SGMS1: variants seen among roughly 807,000 people sequenced by gnomAD.
The protein encoded by SGMS1 is sphingomyelin synthase 1, also known as phosphatidylcholine:ceramide cholinephosphotransferase 1.
A neutral mutation model predicts 46.2 loss-of-function variants in SGMS1; 13 were observed. The ratio of observed to expected loss-of-function variants is 0.28; its 90% CI spans 0.18 to 0.45. SGMS1 has a LOEUF of 0.45. Ranked by LOEUF, SGMS1 falls within the 20% of genes least tolerant of loss-of-function variation. The probability of loss-of-function intolerance (pLI) is 1.00; values close to 1 mark genes in which losing one functional copy is unlikely to be tolerated. For missense variants in SGMS1, 324 were observed against 519.9 expected (o/e 0.62, Z 3.66); for synonymous variants, 203 against 187.8 (o/e 1.08, Z -0.66).
chr10:50,346,803 T>C (rs1847919573), intron 6 of SGMS1, among the ~76,000 whole-genome samples: 1 of 152,030 alleles, frequency 6.6e-6, no homozygotes, highest in African/African-American at 2.4e-5. Context: ...TGGGTGCAAG[T>C]GATTCTCCCA....
chr10:50,558,475 G>A (rs566890571), intron 2 of SGMS1, among the ~76,000 whole-genome samples: 2 of 152,196 alleles, frequency 1.3e-5, no homozygotes, highest in Admixed American at 6.5e-5. Context: ...TGCTTGGAAC[G>A]AGCCAAACAT....
At chr10:50,404,414 T>C (rs905476663) in intron 6 of SGMS1, among the ~76,000 whole-genome samples, 1 of 151,888 alleles carries the variant, frequency 6.6e-6, no homozygotes, top group South Asian at 2.1e-4. Flanking sequence ...TGTGACCAGC[T>C]TGAGAAACAC....
chr10:50,591,580 T>C (rs1019990017), intron 1 of SGMS1, among the ~76,000 whole-genome samples: 59 of 152,344 alleles, frequency 3.9e-4, no homozygotes, highest in African/African-American at 1.3e-3. Context: ...TTGCCATTTA[T>C]ATACATACAT....
intron 3 of SGMS1, among the ~76,000 whole-genome samples, chr10:50,516,517 A>T (rs894875342): frequency 6.6e-6 from 1 of 152,208 alleles, no homozygotes; most frequent in Non-Finnish European, 1.5e-5. Context: ...ACTCTGTTCT[A>T]ATGAGTTATT....
At chr10:50,355,206 A>G (rs985700165) in intron 6 of SGMS1, among the ~76,000 whole-genome samples, 1 of 152,258 alleles carries the variant, frequency 6.6e-6, no homozygotes, top group African/African-American at 2.4e-5. Flanking sequence ...ATGTCCAACA[A>G]TGACAGACTG....
intron 6 of SGMS1, among the ~76,000 whole-genome samples, chr10:50,372,575 T>TC (rs1407142843): frequency 6.6e-6 from 1 of 152,014 alleles, no homozygotes; most frequent in Non-Finnish European, 1.5e-5. Flanking sequence ...ACGCCTGTAG[T>TC]CCCAGCTACT....
At chr10:50,330,340 C>T (rs1847600998) in intron 7 of SGMS1, among the ~76,000 whole-genome samples, 1 of 140,266 alleles carries the variant, frequency 7.1e-6, no homozygotes, top group South Asian at 2.3e-4. Flanking sequence ...AAAACATTAG[C>T]TGGACATGGT....
chr10:50,524,078 T>C (rs937226599), intron 2 of SGMS1, among the ~76,000 whole-genome samples: 5 of 152,368 alleles, frequency 3.3e-5, no homozygotes, highest in Middle Eastern at 3.4e-3. Flanking sequence ...TCTTTGGTTC[T>C]ACTTCAGGTC....
At chr10:50,372,742 T>C (rs149019498) in intron 6 of SGMS1, among the ~76,000 whole-genome samples, 1 of 152,074 alleles carries the variant, frequency 6.6e-6, no homozygotes. Flanking sequence ...TGGGAAAGTA[T>C]ATACCTCCTT....
intron 3 of SGMS1, among the ~76,000 whole-genome samples, chr10:50,487,990 TTTA>T (rs1453222183): frequency 2.5e-4 from 11 of 43,988 alleles, no homozygotes; most frequent in South Asian, 2.8e-3. Flanking sequence ...TTTTATTTTA[TTTA>T]TTTATTTATT....
intron 1 of SGMS1, among the ~76,000 whole-genome samples, chr10:50,609,121 AC>A (rs768619708): frequency 4.6e-5 from 7 of 152,040 alleles, no homozygotes; most frequent in Non-Finnish European, 7.4e-5. Context: ...GGTATCTGGG[AC>A]TACAGGTGTA....
At chr10:50,624,722 C>T (rs754124702), upstream of SGMS1, 735 of 985,416 alleles carry the variant, frequency 7.5e-4, 3 homozygotes, top group Non-Finnish European at 7.6e-4. Flanking sequence ...GAAGGTTTTC[C>T]TCTGCTCCCC....
chr10:50,564,328 G>A (rs1453747900), intron 2 of SGMS1, among the ~76,000 whole-genome samples: 3 of 152,210 alleles, frequency 2.0e-5, no homozygotes, highest in South Asian at 4.1e-4. Flanking sequence ...CCTGACCCGG[G>A]TGGTGGCAAC....
intron 7 of SGMS1, among the ~76,000 whole-genome samples, chr10:50,331,198 C>T (rs533014814): frequency 1.3e-5 from 2 of 152,316 alleles, no homozygotes; most frequent in Admixed American, 1.3e-4. Flanking sequence ...TTACCAACAG[C>T]AATTGTTTTG....
intron 6 of SGMS1, among the ~76,000 whole-genome samples, chr10:50,347,103 C>T (rs1015552161): frequency 6.4e-4 from 97 of 152,230 alleles, no homozygotes; most frequent in African/African-American, 2.2e-3. Flanking sequence ...TCCATAGTAC[C>T]GTGCACTTTC....
intron 1 of SGMS1, among the ~76,000 whole-genome samples, chr10:50,613,161 A>G (rs1394648796): frequency 6.9e-6 from 1 of 145,420 alleles, no homozygotes; most frequent in African/African-American, 2.5e-5. Context: ...ATAAAAACCA[A>G]AAAAATGCCA....
intron 2 of SGMS1, among the ~76,000 whole-genome samples, chr10:50,581,461 A>G: frequency 6.6e-6 from 1 of 152,228 alleles, no homozygotes; most frequent in Non-Finnish European, 1.5e-5. Context: ...CATAATGAAT[A>G]ATAATGTTGT....
intron 3 of SGMS1, among the ~76,000 whole-genome samples, chr10:50,515,332 T>C (rs1484419644): frequency 6.6e-6 from 1 of 152,198 alleles, no homozygotes; most frequent in African/African-American, 2.4e-5. Flanking sequence ...ACAGCACTCT[T>C]GGGCTGTGTC....
chr10:50,545,992 A>G (rs562054413), intron 2 of SGMS1, among the ~76,000 whole-genome samples: 10 of 152,288 alleles, frequency 6.6e-5, no homozygotes, highest in African/African-American at 2.4e-4. Flanking sequence ...AGTTACTTAT[A>G]CATTTTGGGG....
Sources: gnomAD v4.1 joint callset for allele counts (sites outside exome capture counted in the v4.1 genomes callset) on GRCh38, gnomAD v4.1.1 for gene constraint, MANE v1.5 for transcripts, NCBI Gene and HGNC (gene_info 2026-07-23, HGNC 2026-07-21) for gene names.